SLC13A5: variants seen among roughly 807,000 people sequenced by gnomAD.
SLC13A5 encodes the protein Na(+)/citrate cotransporter.
In SLC13A5, 25 loss-of-function variants were observed where a neutral mutation model predicts 56.5. That is an observed-to-expected ratio of 0.44 (90% CI 0.32 to 0.62). The LOEUF (loss-of-function observed/expected upper bound fraction) is 0.62, where lower values mean the gene tolerates loss of function less well. Ranked by LOEUF, SLC13A5 falls within the 20% of genes least tolerant of loss-of-function variation. The pLI, the probability that SLC13A5 is intolerant of heterozygous loss-of-function variation, is 0.04. For synonymous variants in SLC13A5, 307 were observed against 301.5 expected, an observed-to-expected ratio of 1.02 and a Z score of -0.19; for missense variants, 649 against 737.8, an observed-to-expected ratio of 0.88 and a Z score of 1.39.
chr17:6,693,088 C>T lies in SLC13A5; in HGVS notation c.1231G>A (p.Val411Met), dbSNP rs1207618696. The T allele has an allele frequency of 2.5e-6, 4 of 1,613,978 alleles. No homozygotes were observed. The highest frequency in any genetic ancestry group is 2.2e-5 in the East Asian group (1 of 44,852). Residue 411 changes from valine to methionine, a missense_variant, in exon 9 of 12, where the codon GTG becomes ATG. Val to Met is a conservative substitution (Grantham distance 21, BLOSUM62 1). Coordinates refer to ENST00000433363, the MANE Select transcript of SLC13A5 (RefSeq NM_177550.5). ...GCAAATCCGCCCCCTAGTAGCAGCA[C>T]GATGCCCCAGGGCACTTTCTCCTGG... ...VTQEKVPWGI[V>M]LLLGGGFALA...
intron 6 of SLC13A5, among the ~76,000 whole-genome samples, chr17:6,699,757 T>C (rs1366156836): frequency 7.4e-5 from 11 of 149,598 alleles, no homozygotes; most frequent in Non-Finnish European, 1.5e-4. Context: ...AGGCGTGGGC[T>C]ACCACGCCCG....
intron 1 of SLC13A5, among the ~76,000 whole-genome samples, chr17:6,709,942 T>G (rs1224567455): frequency 2.6e-5 from 4 of 152,176 alleles, no homozygotes; most frequent in Non-Finnish European, 4.4e-5. Flanking sequence ...TAAGACTGTC[T>G]CCAGGTTGGA....
Position 6,700,997 on chromosome 17 carries a change from A to C in SLC13A5, c.839+7T>G, listed in dbSNP as rs991712370. 1.2e-6 allele frequency: 2 copies of C among 1,614,110 alleles called. No homozygotes were observed. Among genetic ancestry groups the C allele is most frequent in the Non-Finnish European group, 1.7e-6 (2 of 1,180,018 alleles). On this transcript the variant is annotated splice_region_variant and intron_variant, in intron 6 of 11. Coordinates refer to ENST00000433363, the MANE Select transcript of SLC13A5 (RefSeq NM_177550.5). ...GCATAATTAGGCTGTGAGCAGCTCAAACTTACTTGAATCTCATGTAAACAA... is the reference window on the plus strand; with the variant it reads ...GCATAATTAGGCTGTGAGCAGCTCACACTTACTTGAATCTCATGTAAACAA...
intron 11 of SLC13A5, 187 bp from the exon 12 acceptor site, chr17:6,686,525 C>T: frequency 3.1e-6 from 2 of 645,476 alleles, no homozygotes; most frequent in Non-Finnish European, 5.2e-6. Context: ...TCAAGGCATC[C>T]CTGGGAAGTA....
Position 6,692,123 on chromosome 17 carries a change from A to AGATGGATGGATGGATG in SLC13A5, c.1275+905_1275+920dup, listed in dbSNP as rs753711538. On this transcript the variant is annotated intron_variant, in intron 9 of 11. Coordinates refer to ENST00000433363, the MANE Select transcript of SLC13A5 (RefSeq NM_177550.5). The surrounding 1 kb of genome is among the most constrained non-coding windows in gnomAD (Gnocchi z 5.5). ...AGGAATGTTGGATGGATGGATGGAT[A>AGATGGATGGATGGATG]GATGGATGGATGGATGGATGGATGG... Among the ~76,000 whole-genome samples, 255 of 144,056 alleles carry AGATGGATGGATGGATG rather than the reference A, an allele frequency of 1.8e-3. 1 individual carries two copies. Among genetic ancestry groups the AGATGGATGGATGGATG allele is most frequent in the African/African-American group, 6.4e-3 (244 of 37,912 alleles). The allele number at this position is 144,056 out of a possible 152,430, so 94.5% of individuals were successfully genotyped here. A position where few individuals can be genotyped will look rare whatever the true frequency, so the allele number is the denominator to read the frequency against.
Position 6,693,157 on chromosome 17 carries a change from T to C in SLC13A5, c.1162A>G (p.Lys388Glu), listed in dbSNP as rs756710649. 1.9e-6 allele frequency: 3 copies of C among 1,592,862 alleles called. No individual in the cohort carries two copies. The highest frequency in any genetic ancestry group is 2.6e-6 in the Non-Finnish European group (3 of 1,168,838). Residue 388 changes from lysine to glutamate, a missense_variant, in exon 9 of 12, where the codon AAA becomes GAA. Lys to Glu is a moderately conservative substitution (Grantham distance 56, BLOSUM62 1). Transcript: ENST00000433363. ...NFRSQTEEERKTPFYPPPLLD... is the reference protein window; with the variant it reads ...NFRSQTEEERETPFYPPPLLD... ...AGGGGAGGGGGATAAAATGGAGTTT[T>C]CCTTTCTGGGAAGAAAAAGAAACAC...
Position 6,687,460 on chromosome 17 carries a change from A to T in SLC13A5, c.1575+69T>A. On this transcript the variant is annotated intron_variant, in intron 11 of 11. Transcript: ENST00000433363. The surrounding 1 kb of genome is among the most constrained non-coding windows in gnomAD (Gnocchi z 5.0). ...ACATCGTTTTGAAACTCTGTCATTC[A>T]TAAATGGGGCATCCCTTATGACAAC... The T allele has an allele frequency of 6.3e-7, 1 of 1,594,172 alleles. No individual in the cohort carries two copies. The highest frequency in any genetic ancestry group is 8.5e-7 in the Non-Finnish European group (1 of 1,171,076).
At chr17:6,709,240 C>A (rs1475346818) in intron 1 of SLC13A5, among the ~76,000 whole-genome samples, 1 of 149,346 alleles carries the variant, frequency 6.7e-6, no homozygotes, top group South Asian at 2.2e-4. Context: ...TTTGCAAATT[C>A]TTGCTTATTT....
chr17:6,695,141 G>C (rs1038349706), intron 7 of SLC13A5, among the ~76,000 whole-genome samples: 38 of 152,292 alleles, frequency 2.5e-4, no homozygotes, highest in African/African-American at 8.2e-4. Flanking sequence ...TGGCCACCCT[G>C]CCTGGCCAAG....
intron 5 of SLC13A5, among the ~76,000 whole-genome samples, chr17:6,702,160 C>G (rs1973731936): frequency 6.6e-6 from 1 of 152,198 alleles, no homozygotes; most frequent in Non-Finnish European, 1.5e-5. Context: ...ACTGCCCTCC[C>G]CACCCCTGTC....
At chr17:6,706,892 G>A (rs1298320248) in intron 2 of SLC13A5, 114 bp from the exon 3 acceptor site, 1 of 1,558,970 alleles carries the variant, frequency 6.4e-7, no homozygotes, top group Non-Finnish European at 8.7e-7. Flanking sequence ...AGGCTCGAGT[G>A]GTGTCTCCCT....
At chr17:6,704,369 A>C in intron 3 of SLC13A5, 1 of 482,108 alleles carries the variant, frequency 2.1e-6, no homozygotes, top group Non-Finnish European at 4.1e-6. Flanking sequence ...CTGCCCCACC[A>C]TCTAGCAGGG....
chr17:6,695,412 C>T (rs759826351), intron 7 of SLC13A5: 6 of 238,202 alleles, frequency 2.5e-5, no homozygotes, highest in Non-Finnish European at 4.9e-5. Flanking sequence ...TTTTTTGAGA[C>T]GGAGTCTCTC....
intron 1 of SLC13A5, 95 bp from the exon 2 acceptor site, chr17:6,707,251 A>G: frequency 6.7e-7 from 1 of 1,490,870 alleles, no homozygotes; most frequent in Non-Finnish European, 9.1e-7. Flanking sequence ...TTGTCAAGAC[A>G]CAGTGCTGAT....
Position 6,692,721 on chromosome 17 carries a change from A to T in SLC13A5, c.1275+323T>A, listed in dbSNP as rs865935815. The stretch of plus-strand genomic sequence containing the variant: ...ATATTGACAAGGATTGGAAAGAAAG[A>T]TTTCCCTCAGACAAATCAAAGCAGA... On this transcript the variant is annotated intron_variant, in intron 9 of 11. Coordinates refer to ENST00000433363, the MANE Select transcript of SLC13A5 (RefSeq NM_177550.5). This position sits in a 1 kb window ranked among gnomAD's most constrained non-coding sequence, Gnocchi z 5.5. 12 of 329,106 alleles carry T rather than the reference A, an allele frequency of 3.6e-5. No individual in the cohort carries two copies. The highest frequency in any genetic ancestry group is 1.9e-4 in the Admixed American group (4 of 21,430). 20.4% of individuals were successfully genotyped at this position (329,106 alleles called of 1,614,324 possible).
Position 6,707,021 on chromosome 17 carries a change from T to A in SLC13A5, c.231+7A>T, listed in dbSNP as rs1242710489. ...GAAAGTCACCAGGATCCCTTGGGTC[T>A]GCTCACCTGCCTGGAGTCCAGAATC... is the stretch of plus-strand genomic sequence containing the variant. On this transcript the variant is annotated splice_region_variant and intron_variant, in intron 2 of 11. Transcript: ENST00000433363. The A allele has an allele frequency of 6.2e-7, 1 of 1,613,750 alleles. No homozygotes were observed. Among genetic ancestry groups the A allele is most frequent in the East Asian group, 2.2e-5 (1 of 44,882 alleles).
rs542841532 is a variant in SLC13A5, at chr17:6,711,636, G to A, written c.102+1596C>T. Among the ~76,000 whole-genome samples the A allele has an allele frequency of 2.7e-5, 4 of 150,588 alleles. No individual in the cohort carries two copies. The highest frequency in any genetic ancestry group is 2.0e-4 in the East Asian group (1 of 5,118). ...TTTTTGTGTGTGTTTGTGTTTGTGC[G>A]TGTGTTTTGTGTGTGTCTGTGTGTT... On this transcript the variant is annotated intron_variant, in intron 1 of 11. Coordinates refer to ENST00000433363, the MANE Select transcript of SLC13A5 (RefSeq NM_177550.5). The surrounding 1 kb of genome is among the most constrained non-coding windows in gnomAD (Gnocchi z 4.0).
rs1173426646 is a variant in SLC13A5, at chr17:6,686,261, TA to T, written c.1652del (p.Ile551AsnfsTer13). 1 of 1,614,104 alleles carries T rather than the reference TA, an allele frequency of 6.2e-7. No homozygotes were observed. Among genetic ancestry groups the T allele is most frequent in the African/African-American group, 1.3e-5 (1 of 75,010 alleles). ...AGTCAGGGAAATGATCCAAGTCAAA[TA>T]TGGCCCGTCCCCAGGTGTTGACAGC... ...FLAVNTWGRAIFDLDHFPDWA... is the reference protein window; with the variant it reads ...FLAVNTWGRAXFDLDHFPDWA... On this transcript the variant is annotated frameshift_variant, in exon 12 of 12. Coordinates refer to ENST00000433363, the MANE Select transcript of SLC13A5 (RefSeq NM_177550.5). LOFTEE classifies it high-confidence loss of function.
Position 6,692,902 on chromosome 17 carries a change from A to G in SLC13A5, c.1275+142T>C, listed in dbSNP as rs777184202. 5.9e-6 allele frequency: 4 copies of G among 682,328 alleles called. No individual in the cohort carries two copies. Among genetic ancestry groups the G allele is most frequent in the Non-Finnish European group, 1.1e-5 (4 of 377,604 alleles). 42.3% of individuals were successfully genotyped at this position (682,328 alleles called of 1,614,324 possible). A position where few individuals can be genotyped will look rare whatever the true frequency, so the allele number is the denominator to read the frequency against. ...GTGTAGAGTTCCTAGATGACAAGAC[A>G]GAGTCCATGTCCTCAAGGAATGTGC... On this transcript the variant is annotated intron_variant, in intron 9 of 11. Transcript: ENST00000433363. This position sits in a 1 kb window ranked among gnomAD's most constrained non-coding sequence, Gnocchi z 5.5.
Sources: gnomAD v4.1 joint callset for allele counts (sites outside exome capture counted in the v4.1 genomes callset) on GRCh38, gnomAD v4.1.1 for gene constraint, Gnocchi (gnomAD v3.1) non-coding constraint, MANE v1.5 for transcripts, NCBI Gene and HGNC (gene_info 2026-07-23, HGNC 2026-07-21) for gene names.